The following DOCK8 variants were observed in gnomAD, a reference collection of about 807,000 sequenced individuals.
DOCK8 encodes the protein dedicator of cytokinesis protein 8.
DOCK8 carries 141 observed loss-of-function variants against 245.6 expected under a neutral mutation model. The observed-to-expected ratio is 0.57, with a 90% CI of 0.50 to 0.66. The LOEUF (loss-of-function observed/expected upper bound fraction) is 0.66. DOCK8 is among the 30% of genes least tolerant of loss of function. The pLI is 0.00. For missense variants in DOCK8, 2,965 were observed against 2,603.4 expected, an observed-to-expected ratio of 1.14 and a Z score of -3.02; for synonymous variants, 1,168 against 970.2, an observed-to-expected ratio of 1.20 and a Z score of -3.79.
intron 23 of DOCK8, among the ~76,000 whole-genome samples, chr9:389,088 T>G (rs1390551189): frequency 6.6e-6 from 1 of 152,206 alleles, no homozygotes; most frequent in African/African-American, 2.4e-5. Flanking sequence ...CCAGACATCA[T>G]TTTTGGCATT....
chr9:279,205 A>G (rs1367381389), intron 2 of DOCK8, among the ~76,000 whole-genome samples: 1 of 152,178 alleles, frequency 6.6e-6, no homozygotes, highest in East Asian at 1.9e-4. Flanking sequence ...GTGTGGAGGT[A>G]TGGAAGGTAT....
At position 406,920 on chromosome 9, in the gene DOCK8, G is replaced by T. The variant is rs373098733; in HGVS notation, c.3391-10G>T. The T allele has an allele frequency of 6.2e-7, 1 of 1,613,926 alleles. No homozygotes were observed. The highest frequency in any genetic ancestry group is 1.7e-5 in the Admixed American group (1 of 59,984). On this transcript the variant is annotated splice_polypyrimidine_tract_variant and intron_variant, in intron 27 of 47. Transcript: ENST00000432829. ...TGTGGCTCATAAAATGGCTCCTTAC[G>T]TTTCTGTAGAACTCAAGCTCCTGCT...
intron 1 of DOCK8, among the ~76,000 whole-genome samples, chr9:259,538 T>C (rs549586): frequency 0.48 from 73,662 of 151,994 alleles, 18,291 homozygotes; most frequent in East Asian, 0.8. Flanking sequence ...CCCTGAGTTT[T>C]GCATTTGTTA....
intron 23 of DOCK8, among the ~76,000 whole-genome samples, chr9:389,263 G>T (rs2054083989): frequency 1.3e-5 from 2 of 152,176 alleles, no homozygotes; most frequent in South Asian, 4.1e-4. Flanking sequence ...TCAGGAATAT[G>T]AACACATAGC....
chr9:229,546 C>T (rs1043781794), intron 1 of DOCK8, among the ~76,000 whole-genome samples: 1 of 152,004 alleles, frequency 6.6e-6, no homozygotes, highest in Non-Finnish European at 1.5e-5. Flanking sequence ...AGAGAAGGTG[C>T]CTGAAAATTG....
chr9:300,703 G>C (rs2049503517), intron 4 of DOCK8, among the ~76,000 whole-genome samples: 1 of 152,040 alleles, frequency 6.6e-6, no homozygotes, highest in African/African-American at 2.4e-5. Flanking sequence ...AATCCTCAGA[G>C]ACTGTTATAA....
chr9:214,585 C>G (rs1023812157), upstream of DOCK8: 11 of 1,613,952 alleles, frequency 6.8e-6, no homozygotes, highest in East Asian at 2.2e-5. Context: ...CCCTGGCAGC[C>G]TCGCAGCTTC....
At chr9:370,587 AC>A (rs2053242073) in intron 16 of DOCK8, among the ~76,000 whole-genome samples, 1 of 152,244 alleles carries the variant, frequency 6.6e-6, no homozygotes, top group Non-Finnish European at 1.5e-5. Flanking sequence ...TTAAGGAAAC[AC>A]ATTTCCTAAC....
In DOCK8 at chr9:269,251, C is replaced by T. The variant is rs1364726095; in HGVS notation, c.54-2376C>T. Among the ~76,000 whole-genome samples, 6 of 152,310 alleles carry T rather than the reference C, an allele frequency of 3.9e-5. No homozygotes were observed. In the East Asian group the frequency reaches 5.8e-4, roughly 15 times the overall value. ...CCAACCTTAGGTGACCACAAATCTA[C>T]TTTCTGTCTGTATAGATTTTGCAAT... On this transcript the variant is annotated intron_variant, in intron 1 of 47. Coordinates refer to ENST00000432829, the MANE Select transcript of DOCK8 (RefSeq NM_203447.4).
chr9:390,427 A>G (rs763067138), intron 23 of DOCK8, 44 bp from the exon 24 acceptor site: 7 of 1,551,934 alleles, frequency 4.5e-6, no homozygotes, highest in East Asian at 2.2e-5. Flanking sequence ...GGTGAATAAT[A>G]ATAGCCTTTG....
intron 45 of DOCK8, among the ~76,000 whole-genome samples, chr9:450,826 A>G (rs777489522): frequency 2.2e-4 from 34 of 151,598 alleles, no homozygotes; most frequent in Non-Finnish European, 4.1e-4. Context: ...TACACGATGG[A>G]TATCTCTGAC....
chr9:249,765 C>G (rs2047604285), intron 1 of DOCK8, among the ~76,000 whole-genome samples: 1 of 151,168 alleles, frequency 6.6e-6, no homozygotes, highest in Admixed American at 6.6e-5. Flanking sequence ...TTACAGGTGC[C>G]CACCACCATG....
chr9:214,207 A>C (rs1044112727), upstream of DOCK8: 13 of 392,102 alleles, frequency 3.3e-5, no homozygotes, highest in East Asian at 7.9e-4. Flanking sequence ...GCTTCTTAGC[A>C]GACCTCAGTC....
At position 426,643 on chromosome 9, in the gene DOCK8, CTCA is replaced by C. The variant is rs144566305; in HGVS notation, c.4242-237_4242-235del. On this transcript the variant is annotated intron_variant, in intron 33 of 47. Transcript: ENST00000432829. ...CCATAGTGTTATTTTTATAATTGTC[CTCA>C]TCATTATTAATAATAGTGGGGATGA... Among the ~76,000 whole-genome samples, 1,495 of 152,272 alleles carry C rather than the reference CTCA, an allele frequency of 9.8e-3. 27 individuals are homozygous for C. Among genetic ancestry groups the C allele is most frequent in the African/African-American group, 0.035 (1,441 of 41,552 alleles).
chr9:281,910 A>G (rs2048604024), intron 2 of DOCK8, among the ~76,000 whole-genome samples: 1 of 152,112 alleles, frequency 6.6e-6, no homozygotes, highest in South Asian at 2.1e-4. Flanking sequence ...GAGACGAACT[A>G]TTCAATGTCA....
intron 1 of DOCK8, among the ~76,000 whole-genome samples, chr9:235,528 A>T (rs991878383): frequency 1.3e-5 from 2 of 152,144 alleles, no homozygotes; most frequent in African/African-American, 4.8e-5. Flanking sequence ...GGCCTCCTTG[A>T]GCTGTGGTGG....
At chr9:399,988 C>CCCACCACCTCCACCATCA (rs1564011210) in intron 26 of DOCK8, among the ~76,000 whole-genome samples, 9 of 79,474 alleles carry the variant, frequency 1.1e-4, no homozygotes, top group African/African-American at 4.4e-4. Context: ...ATCACCACCT[C>CCCACCACCTCCACCATCA]CCACCACCTC....
chr9:385,647 G>T (rs2053921188), intron 22 of DOCK8, among the ~76,000 whole-genome samples: 2 of 152,068 alleles, frequency 1.3e-5, no homozygotes, highest in Non-Finnish European at 2.9e-5. Context: ...CACAAAAATT[G>T]GCAAATGCTA....
At chr9:421,905 G>GTC (rs1311935345) in intron 32 of DOCK8, 143 bp from the exon 33 acceptor site, 1 of 744,256 alleles carries the variant, frequency 1.3e-6, no homozygotes, top group Admixed American at 2.1e-5. Flanking sequence ...TGGCGACTTT[G>GTC]TCTCCTACCA....
Sources: gnomAD v4.1 joint callset for allele counts (sites outside exome capture counted in the v4.1 genomes callset) on GRCh38, gnomAD v4.1.1 for gene constraint, MANE v1.5 for transcripts, NCBI Gene and HGNC (gene_info 2026-07-23, HGNC 2026-07-21) for gene names.